The following SNTG2 variants were observed in gnomAD, a reference collection of about 807,000 sequenced individuals.
The protein encoded by SNTG2 is gamma-2-syntrophin.
In SNTG2, 74 loss-of-function variants were observed where a neutral mutation model predicts 70.9. The observed-to-expected ratio is 1.04, with a 90% CI of 0.86 to 1.27. The LOEUF (loss-of-function observed/expected upper bound fraction) is 1.27. SNTG2 is among the 50% of genes most tolerant of loss of function. SNTG2 has a pLI of 0.00. For missense variants in SNTG2, 717 were observed against 690.7 expected, an observed-to-expected ratio of 1.04 and a Z score of -0.43; for synonymous variants, 278 against 273.8, an observed-to-expected ratio of 1.02 and a Z score of -0.15.
chr2:1,173,446 C>T (rs562520272), intron 8 of SNTG2, among the ~76,000 whole-genome samples: 2 of 152,318 alleles, frequency 1.3e-5, no homozygotes, highest in East Asian at 3.9e-4. Flanking sequence ...TCTTTGAGTC[C>T]TGCCTCTGAC....
At chr2:1,095,995 G>A (rs573226448) in intron 2 of SNTG2, among the ~76,000 whole-genome samples, 205 of 152,228 alleles carry the variant, frequency 1.3e-3, no homozygotes, top group Non-Finnish European at 2.2e-3. Flanking sequence ...AGAATTTAGC[G>A]TCTGCTGAGG....
intron 8 of SNTG2, among the ~76,000 whole-genome samples, chr2:1,198,291 CAT>C (rs772575003): frequency 6.6e-6 from 1 of 151,914 alleles, no homozygotes; most frequent in Non-Finnish European, 1.5e-5. Context: ...AGGTAAAAAA[CAT>C]TATTGAAACA....
At chr2:1,024,081 A>G (rs1275070017) in intron 1 of SNTG2, among the ~76,000 whole-genome samples, 1 of 152,164 alleles carries the variant, frequency 6.6e-6, no homozygotes, top group Non-Finnish European at 1.5e-5. Flanking sequence ...GTGGAGGGGA[A>G]GTGGCTGCGG....
intron 1 of SNTG2, among the ~76,000 whole-genome samples, chr2:1,027,534 C>T (rs1206413596): frequency 6.6e-6 from 1 of 150,714 alleles, no homozygotes; most frequent in Non-Finnish European, 1.5e-5. Context: ...CACTATCCAG[C>T]AAGTAACTCA....
intron 4 of SNTG2, among the ~76,000 whole-genome samples, chr2:1,117,328 G>A (rs1473786928): frequency 1.3e-5 from 2 of 152,104 alleles, no homozygotes; most frequent in Non-Finnish European, 2.9e-5. Flanking sequence ...TGAGATGACT[G>A]TAATTTTAAA....
At chr2:1,034,019 A>C (rs1156530879) in intron 1 of SNTG2, among the ~76,000 whole-genome samples, 2 of 146,946 alleles carry the variant, frequency 1.4e-5, no homozygotes, top group Non-Finnish European at 3.0e-5. Flanking sequence ...TTAGAGGTAC[A>C]TGTGCAGGTT....
intron 16 of SNTG2, chr2:1,346,392 C>G (rs1660275175): frequency 1.3e-5 from 2 of 152,320 alleles, no homozygotes; most frequent in Admixed American, 1.3e-4. Flanking sequence ...ACAGGGTGCA[C>G]AGCTGATTGT....
intron 1 of SNTG2, among the ~76,000 whole-genome samples, chr2:980,771 T>C (rs1028732764): frequency 1.3e-5 from 2 of 152,152 alleles, no homozygotes; most frequent in Admixed American, 6.5e-5. Flanking sequence ...GTTTTAATAT[T>C]TGACATGACA....
At chr2:1,259,067 T>C (rs9286350) in intron 12 of SNTG2, among the ~76,000 whole-genome samples, 31,647 of 152,156 alleles carry the variant, frequency 0.21, 4,487 homozygotes, top group African/African-American at 0.39. Context: ...TTATGCCCAA[T>C]TGCATGTGAT....
chr2:1,142,371 G>T (rs943495056), intron 6 of SNTG2, among the ~76,000 whole-genome samples: 4 of 152,180 alleles, frequency 2.6e-5, no homozygotes, highest in Non-Finnish European at 5.9e-5. Context: ...CCCGTCCAGG[G>T]TCCACCATCC....
At chr2:1,163,933 C>T (rs1670517504) in intron 6 of SNTG2, among the ~76,000 whole-genome samples, 1 of 152,166 alleles carries the variant, frequency 6.6e-6, no homozygotes, top group South Asian at 2.1e-4. Context: ...TGGGAACTTT[C>T]AAACTTTCTA....
chr2:1,332,087 T>C (rs1659562260), intron 16 of SNTG2, among the ~76,000 whole-genome samples: 1 of 152,244 alleles, frequency 6.6e-6, no homozygotes, highest in Non-Finnish European at 1.5e-5. Flanking sequence ...AGTTCTCAGC[T>C]TGTCTTCCTG....
At chr2:970,773 G>A (rs994008548) in intron 1 of SNTG2, among the ~76,000 whole-genome samples, 3 of 151,006 alleles carry the variant, frequency 2.0e-5, no homozygotes, top group Non-Finnish European at 4.4e-5. Flanking sequence ...TAGTCCTTTG[G>A]GTATATACCC....
At chr2:1,102,343 A>G (rs1329034814) in intron 4 of SNTG2, among the ~76,000 whole-genome samples, 2 of 152,184 alleles carry the variant, frequency 1.3e-5, no homozygotes, top group Non-Finnish European at 2.9e-5. Context: ...TCCAGGAAGC[A>G]GGGAGGAAGG....
At chr2:977,441 C>G (rs992869783) in intron 1 of SNTG2, among the ~76,000 whole-genome samples, 24 of 152,134 alleles carry the variant, frequency 1.6e-4, no homozygotes, top group African/African-American at 5.6e-4. Flanking sequence ...ACTGATTCCC[C>G]ATTATCTCTT....
intron 8 of SNTG2, among the ~76,000 whole-genome samples, chr2:1,183,556 G>A (rs1304731337): frequency 6.6e-6 from 1 of 152,180 alleles, no homozygotes; most frequent in African/African-American, 2.4e-5. Context: ...ATAGAGAATA[G>A]TATTTCTTTA....
intron 1 of SNTG2, among the ~76,000 whole-genome samples, chr2:993,637 A>G (rs1333604698): frequency 2.0e-5 from 3 of 152,094 alleles, no homozygotes; most frequent in Non-Finnish European, 4.4e-5. Context: ...GTACCACTTG[A>G]CATCCCCACC....
chr2:1,272,755 G>A (rs1159888810), intron 14 of SNTG2, among the ~76,000 whole-genome samples: 16 of 96,248 alleles, frequency 1.7e-4, no homozygotes, highest in Admixed American at 2.0e-4. Flanking sequence ...CCCAGGGAGC[G>A]GGTGCAGAAA....
chr2:1,314,527 C>A (rs1284522917), intron 15 of SNTG2, among the ~76,000 whole-genome samples: 1 of 152,200 alleles, frequency 6.6e-6, no homozygotes, highest in Admixed American at 6.5e-5. Flanking sequence ...CGGGCAGCTC[C>A]CTCACTGGGA....
Sources: gnomAD v4.1 joint callset for allele counts (sites outside exome capture counted in the v4.1 genomes callset) on GRCh38, gnomAD v4.1.1 for gene constraint, MANE v1.5 for transcripts, NCBI Gene and HGNC (gene_info 2026-07-23, HGNC 2026-07-21) for gene names.